Variants in PTPRJ observed in about 807,000 individuals in gnomAD.
The protein encoded by PTPRJ is protein tyrosine phosphatase receptor type J, also known as receptor-type tyrosine-protein phosphatase eta.
PTPRJ carries 129 observed loss-of-function variants against 141.3 expected under a neutral mutation model. That is an observed-to-expected ratio of 0.91 (90% CI 0.79 to 1.06). PTPRJ has a LOEUF of 1.06. Ranked by LOEUF, PTPRJ falls within the 50% of genes least tolerant of loss-of-function variation. The pLI is 0.00. For missense variants in PTPRJ, 1,601 were observed against 1,679.7 expected (o/e 0.95, Z 0.82); for synonymous variants, 610 against 640.5 (o/e 0.95, Z 0.72).
chr11:48,126,635 A>G (rs1856838999), intron 6 of PTPRJ, among the ~76,000 whole-genome samples: 2 of 151,874 alleles, frequency 1.3e-5, no homozygotes, highest in African/African-American at 4.8e-5. Flanking sequence ...CCTTTTTGAT[A>G]AGGGCACTAA....
chr11:48,099,635 C>A (rs1334205033), intron 1 of PTPRJ, among the ~76,000 whole-genome samples: 2 of 152,096 alleles, frequency 1.3e-5, no homozygotes, highest in African/African-American at 4.8e-5. Flanking sequence ...CTCCAGTGAT[C>A]TCCTATCTGA....
At chr11:48,084,830 G>T (rs1855654790) in intron 1 of PTPRJ, among the ~76,000 whole-genome samples, 1 of 152,020 alleles carries the variant, frequency 6.6e-6, no homozygotes, top group Non-Finnish European at 1.5e-5. Flanking sequence ...CCTTTTTCAG[G>T]TTCATGTTTG....
rs537835534 is a variant in PTPRJ, at chr11:48,167,597, G to A, written c.*235G>A. On this transcript the variant is annotated 3_prime_UTR_variant, in exon 25 of 25. Transcript: ENST00000418331. ...CATTCCTGATGACCAATGGGATGAG[G>A]TCACTTTTTTTTTTTTTCCCCCTTG... 7.8e-5 allele frequency: 30 copies of A among 385,370 alleles called. No individual in the cohort carries two copies. The South Asian group carries it at 3.1e-3, about 40-fold the overall frequency. The allele number at this position is 385,370 out of a possible 1,614,324, so 23.9% of individuals were successfully genotyped here.
At position 48,109,341 on chromosome 11, in the gene PTPRJ, A is replaced by G. The variant is rs140231201; in HGVS notation, c.97-717A>G. On this transcript the variant is annotated intron_variant, in intron 1 of 24. Transcript: ENST00000418331. ...TGTTTGTGAAACAATAGAGTGTACAACCTTGAATCACTTTAGATTTTTAAA... is the reference window on the plus strand; with the variant it reads ...TGTTTGTGAAACAATAGAGTGTACAGCCTTGAATCACTTTAGATTTTTAAA... Among the ~76,000 whole-genome samples the G allele has an allele frequency of 3.9e-3, 596 of 152,250 alleles. 3 individuals carry two copies. Among genetic ancestry groups the G allele is most frequent in the Non-Finnish European group, 5.4e-3 (365 of 68,016 alleles).
Position 48,145,079 on chromosome 11 carries a change from T to C in PTPRJ, c.2866T>C (p.Ser956Pro), listed in dbSNP as rs1323406277. Reference protein sequence around the residue: ...GLIDGAESYVSFSRYSDAVSL... With the variant: ...GLIDGAESYVPFSRYSDAVSL... ...CATTGATGGGGCTGAGAGCTATGTGTCCTTCAGTCGCTACTCAGATGCTGT... is the reference window on the plus strand; with the variant it reads ...CATTGATGGGGCTGAGAGCTATGTGCCCTTCAGTCGCTACTCAGATGCTGT... The change falls in exon 14 of 25, where the codon TCC (serine) becomes CCC (proline). Residue 956 changes from serine to proline, a missense_variant. Ser to Pro is a moderately conservative substitution (Grantham distance 74). Transcript: ENST00000418331. 2.5e-6 allele frequency: 4 copies of C among 1,614,202 alleles called. No individual in the cohort carries two copies. Among genetic ancestry groups the C allele is most frequent in the Non-Finnish European group, 3.4e-6 (4 of 1,180,036 alleles).
At chr11:48,086,672 A>G (rs1415308958) in intron 1 of PTPRJ, among the ~76,000 whole-genome samples, 2 of 152,212 alleles carry the variant, frequency 1.3e-5, no homozygotes, top group Non-Finnish European at 2.9e-5. Flanking sequence ...TTATTGAGCC[A>G]CTGAGGTCAT....
At chr11:47,991,287 CAA>C (rs1675696263) in intron 1 of PTPRJ, among the ~76,000 whole-genome samples, 1 of 152,044 alleles carries the variant, frequency 6.6e-6, no homozygotes, top group Non-Finnish European at 1.5e-5. Context: ...TTAAAAAAAA[CAA>C]AACAAAACGT....
At chr11:48,043,316 C>T (rs1327048171) in intron 1 of PTPRJ, among the ~76,000 whole-genome samples, 1 of 152,160 alleles carries the variant, frequency 6.6e-6, no homozygotes, top group African/African-American at 2.4e-5. Flanking sequence ...AGGGCACAAG[C>T]CATCCTCCCA....
At chr11:48,028,816 C>A (rs1853897369) in intron 1 of PTPRJ, among the ~76,000 whole-genome samples, 1 of 152,116 alleles carries the variant, frequency 6.6e-6, no homozygotes, top group Admixed American at 6.6e-5. Context: ...AAACAAAAAA[C>A]CTTGTGTGGG....
At chr11:48,136,337 A>T (rs751975010) in intron 9 of PTPRJ, 41 bp downstream of exon 9, 3 of 1,594,440 alleles carry the variant, frequency 1.9e-6, no homozygotes, top group South Asian at 2.2e-5. Context: ...CAGCCTCTCT[A>T]ACTGTCTCTT....
chr11:48,138,142 C>T (rs1857147364), intron 10 of PTPRJ, among the ~76,000 whole-genome samples: 1 of 152,192 alleles, frequency 6.6e-6, no homozygotes, highest in African/African-American at 2.4e-5. Flanking sequence ...GTGATGGTCT[C>T]ATGGGATCAG....
At chr11:48,152,785 T>C (rs1165405595) in intron 18 of PTPRJ, among the ~76,000 whole-genome samples, 1 of 152,248 alleles carries the variant, frequency 6.6e-6, no homozygotes, top group Non-Finnish European at 1.5e-5. Context: ...CATTGGTCTA[T>C]ATCTCTGTTT....
At chr11:48,011,723 C>T (rs570033062) in intron 1 of PTPRJ, among the ~76,000 whole-genome samples, 1 of 152,120 alleles carries the variant, frequency 6.6e-6, no homozygotes, top group Non-Finnish European at 1.5e-5. Context: ...GTAGCACAAA[C>T]ACACCTCACT....
intron 1 of PTPRJ, among the ~76,000 whole-genome samples, chr11:47,984,740 G>A (rs933838491): frequency 1.3e-5 from 2 of 151,200 alleles, no homozygotes; most frequent in Admixed American, 6.6e-5. Context: ...TGTATTTTTA[G>A]TAGAGATGGG....
At chr11:47,991,452 T>G (rs1353905159) in intron 1 of PTPRJ, among the ~76,000 whole-genome samples, 1 of 152,216 alleles carries the variant, frequency 6.6e-6, no homozygotes, top group Non-Finnish European at 1.5e-5. Flanking sequence ...GACATAATCC[T>G]TGGCTGTAAT....
Position 48,123,754 on chromosome 11 carries a change from C to CAAGACTT in PTPRJ, c.759_765dup (p.Gln256LysfsTer26). On this transcript the variant is annotated frameshift_variant, in exon 5 of 25. Transcript: ENST00000418331. LOFTEE classifies it high-confidence loss of function. ...AGCCATGAGGAGTTGACTCAAGACT[C>CAAGACTT]AAGACTTCAGGTCAATATCTCGGGC... The CAAGACTT allele has an allele frequency of 6.2e-7, 1 of 1,614,118 alleles. No homozygotes were observed.
chr11:48,001,427 G>C (rs946475864), intron 1 of PTPRJ, among the ~76,000 whole-genome samples: 1 of 151,090 alleles, frequency 6.6e-6, no homozygotes, highest in African/African-American at 2.4e-5. Context: ...CTGCAGGTGG[G>C]GTTTAGCTCT....
chr11:47,991,831 C>G (rs889360772), intron 1 of PTPRJ, among the ~76,000 whole-genome samples: 3 of 152,116 alleles, frequency 2.0e-5, no homozygotes, highest in African/African-American at 7.2e-5. Context: ...AGAATACCTA[C>G]TTTATAGGAT....
At chr11:48,082,167 G>A (rs1202122694) in intron 1 of PTPRJ, among the ~76,000 whole-genome samples, 1 of 152,188 alleles carries the variant, frequency 6.6e-6, no homozygotes, top group African/African-American at 2.4e-5. Flanking sequence ...GAGAAGAGGC[G>A]ATATGAGGAG....
Sources: gnomAD v4.1 joint callset for allele counts (sites outside exome capture counted in the v4.1 genomes callset) on GRCh38, gnomAD v4.1.1 for gene constraint, MANE v1.5 for transcripts, NCBI Gene and HGNC (gene_info 2026-07-23, HGNC 2026-07-21) for gene names.